Variants in KIF6 observed in about 807,000 individuals in gnomAD.
The protein encoded by KIF6 is kinesin family member 6, also known as kinesin-like protein KIF6.
Under a neutral mutation model 112.7 loss-of-function variants are expected in KIF6, and 106 were observed. The ratio of observed to expected loss-of-function variants is 0.94; its 90% CI spans 0.80 to 1.11. KIF6 has a LOEUF of 1.11. Among genes scored for constraint, KIF6 ranks in the 50% least tolerant of loss-of-function variants. The pLI is 0.00. For missense variants in KIF6, 929 were observed against 964.0 expected (o/e 0.96, Z 0.48); for synonymous variants, 339 against 339.9 (o/e 1.00, Z 0.03).
chr6:39,346,205 A>G (rs1269094085), intron 20 of KIF6, among the ~76,000 whole-genome samples: 3 of 149,636 alleles, frequency 2.0e-5, no homozygotes, highest in African/African-American at 7.4e-5. Context: ...GGTGCCAGCA[A>G]GCGAGGAAGG....
intron 3 of KIF6, among the ~76,000 whole-genome samples, chr6:39,645,119 T>G (rs948961994): frequency 2.0e-5 from 3 of 152,130 alleles, no homozygotes; most frequent in African/African-American, 7.2e-5. Context: ...AACCCAGAGT[T>G]TGATGATCAG....
chr6:39,345,947 G>A (rs1045018577), intron 20 of KIF6, among the ~76,000 whole-genome samples, 158 bp from the exon 21 acceptor site: 1 of 152,084 alleles, frequency 6.6e-6, no homozygotes, highest in African/African-American at 2.4e-5. Context: ...GGGCAGTGGG[G>A]CCTTTGGGAG....
intron 16 of KIF6, among the ~76,000 whole-genome samples, chr6:39,373,147 G>A (rs1473691496): frequency 6.6e-6 from 1 of 152,108 alleles, no homozygotes; most frequent in Non-Finnish European, 1.5e-5. Flanking sequence ...CTATATGTTT[G>A]GTCAAATGCC....
intron 9 of KIF6, chr6:39,583,378 CTG>C: frequency 2.1e-6 from 1 of 471,192 alleles, no homozygotes; most frequent in Middle Eastern, 3.3e-4. Flanking sequence ...AGCAGGAACA[CTG>C]TGTGATGCTG....
chr6:39,337,020 CTTCCTTCCTTTCTT>C (rs1762957371), intron 22 of KIF6, among the ~76,000 whole-genome samples: 1 of 111,714 alleles, frequency 9.0e-6, no homozygotes, highest in Admixed American at 8.7e-5. Context: ...CCCTCCCTCC[CTTCCTTCCTTTCTT>C]TTCCTTCCTT....
intron 13 of KIF6, 147 bp downstream of exon 13, chr6:39,539,856 T>C (rs1428447384): frequency 1.6e-6 from 1 of 636,602 alleles, no homozygotes; most frequent in African/African-American, 1.8e-5. Context: ...TTTGGGAAAG[T>C]GGTATTTAAT....
intron 7 of KIF6, among the ~76,000 whole-genome samples, chr6:39,593,612 G>A (rs1450720099): frequency 6.6e-6 from 1 of 152,282 alleles, no homozygotes; most frequent in Middle Eastern, 3.4e-3. Context: ...GATGCAGTGG[G>A]TGAAAATGAA....
At chr6:39,574,177 T>G (rs1780799860) in intron 10 of KIF6, among the ~76,000 whole-genome samples, 1 of 152,224 alleles carries the variant, frequency 6.6e-6, no homozygotes, top group Non-Finnish European at 1.5e-5. Flanking sequence ...CTGCTATGCC[T>G]TCTAAACAGA....
At chr6:39,520,794 C>T (rs552505891) in intron 13 of KIF6, among the ~76,000 whole-genome samples, 1 of 152,098 alleles carries the variant, frequency 6.6e-6, no homozygotes, top group Non-Finnish European at 1.5e-5. Context: ...CCAAGGTGGG[C>T]TTTTCGGTCA....
Position 39,725,305 on chromosome 6 carries a change from C to G in KIF6, c.6G>C (p.Val2=). ...TCGCGAATATCTGGATAGTCTGCTT[C>G]ACCATCTCCTCCCTGGCTCTGCAAT... M[V]KQTIQIFARV... Residue 2 remains valine, a synonymous_variant, in exon 1 of 23, where the codon GTG becomes GTC. Coordinates refer to ENST00000287152, the MANE Select transcript of KIF6 (RefSeq NM_145027.6). 6.2e-7 allele frequency: 1 copy of G among 1,608,350 alleles called. No individual in the cohort carries two copies. The highest frequency in any genetic ancestry group is 8.5e-7 in the Non-Finnish European group (1 of 1,177,802).
At chr6:39,404,368 T>G (rs1451372056) in intron 15 of KIF6, among the ~76,000 whole-genome samples, 5 of 152,178 alleles carry the variant, frequency 3.3e-5, no homozygotes, top group Non-Finnish European at 7.4e-5. Flanking sequence ...TACATTGAGA[T>G]TCTTCTTTTT....
intron 10 of KIF6, among the ~76,000 whole-genome samples, chr6:39,568,209 C>G (rs117709210): frequency 3.3e-5 from 5 of 152,084 alleles, no homozygotes; most frequent in Non-Finnish European, 7.4e-5. Context: ...CTGCTATAAA[C>G]GAAAATAACT....
chr6:39,556,574 C>A (rs902113023), intron 10 of KIF6, among the ~76,000 whole-genome samples: 2 of 152,210 alleles, frequency 1.3e-5, no homozygotes, highest in Admixed American at 6.5e-5. Flanking sequence ...ACCAAAGCAG[C>A]CCCTCTGACC....
intron 10 of KIF6, chr6:39,554,994 G>T: frequency 6.3e-6 from 1 of 158,782 alleles, no homozygotes; most frequent in Non-Finnish European, 1.4e-5. Flanking sequence ...CTGACCTGGA[G>T]GCTGCCTGGG....
chr6:39,366,846 A>G (rs1349539646), intron 16 of KIF6, among the ~76,000 whole-genome samples: 6 of 151,366 alleles, frequency 4.0e-5, no homozygotes, highest in Admixed American at 2.0e-4. Flanking sequence ...GAGTATTTTG[A>G]GGAGAGGAAT....
At position 39,343,647 on chromosome 6, in the gene KIF6, T is replaced by C; in HGVS notation, c.2428+62A>G. ...CCTACTCCCCTCCCACCTCACTGTG[T>C]GCTCCCCACAAGTGTTGGTGACCTG... On this transcript the variant is annotated intron_variant, in intron 22 of 22. Transcript: ENST00000287152. This position sits in a 1 kb window ranked among gnomAD's most constrained non-coding sequence, Gnocchi z 4.1. 1 of 1,344,468 alleles carries C rather than the reference T, an allele frequency of 7.4e-7. No homozygotes were observed. Among genetic ancestry groups the C allele is most frequent in the Admixed American group, 2.0e-5 (1 of 51,050 alleles). The allele number at this position is 1,344,468 out of a possible 1,614,324, so 83.3% of individuals were successfully genotyped here.
chr6:39,645,507 A>C (rs984392388), intron 3 of KIF6, among the ~76,000 whole-genome samples: 2 of 152,192 alleles, frequency 1.3e-5, no homozygotes, highest in Non-Finnish European at 2.9e-5. Flanking sequence ...GGATGAAGCC[A>C]ACTTGATCAT....
intron 5 of KIF6, among the ~76,000 whole-genome samples, chr6:39,625,827 C>T (rs953360142): frequency 6.6e-6 from 1 of 151,994 alleles, no homozygotes; most frequent in African/African-American, 2.4e-5. Flanking sequence ...GAACTGGCTT[C>T]CAAAAGGACA....
rs373241945 is a variant in KIF6, at chr6:39,560,843, G to C, written c.1182-15155C>G. Among the ~76,000 whole-genome samples the C allele has an allele frequency of 2.0e-5, 3 of 152,274 alleles. No individual in the cohort carries two copies. In the South Asian group the frequency reaches 6.2e-4, roughly 32 times the overall value. On this transcript the variant is annotated intron_variant, in intron 10 of 22. Coordinates refer to ENST00000287152, the MANE Select transcript of KIF6 (RefSeq NM_145027.6). Reference sequence around the variant, plus strand: ...TCTGCAGAAAATAGCCTTTTTAGGGGCATTTTGCAGAAGTCATTGGCTGAG... The same window carrying C: ...TCTGCAGAAAATAGCCTTTTTAGGGCCATTTTGCAGAAGTCATTGGCTGAG...
Sources: allele counts gnomAD v4.1 joint callset (sites outside exome capture counted in the v4.1 genomes callset), GRCh38; gene constraint gnomAD v4.1.1; non-coding constraint Gnocchi (gnomAD v3.1); transcripts MANE v1.5; gene names NCBI Gene and HGNC (gene_info 2026-07-23, HGNC 2026-07-21).